Variants in GAS7 observed in about 807,000 individuals in gnomAD.
GAS7 encodes growth arrest-specific protein 7.
A neutral mutation model predicts 71.1 loss-of-function variants in GAS7; 28 were observed. The observed-to-expected ratio is 0.39, with a 90% confidence interval of 0.29 to 0.54. GAS7 has a LOEUF of 0.54. GAS7 is among the 20% of genes least tolerant of loss of function. The probability of loss-of-function intolerance (pLI) is 0.62; values close to 1 mark genes in which losing one functional copy is unlikely to be tolerated. For synonymous variants in GAS7, 258 were observed against 245.8 expected, an observed-to-expected ratio of 1.05 and a Z score of -0.46; for missense variants, 436 against 627.8, an observed-to-expected ratio of 0.69 and a Z score of 3.27.
rs1190508332 is a variant in GAS7 at position 10,111,548 on chromosome 17, C to CA, written c.183+86659dup. Among the ~76,000 whole-genome samples, 23 of 103,070 alleles carry CA rather than the reference C, an allele frequency of 2.2e-4. 1 individual carries two copies. The highest frequency in any genetic ancestry group is 1.2e-3 in the East Asian group (4 of 3,238). 67.6% of individuals were successfully genotyped at this position (103,070 alleles called of 152,430 possible). A position where few individuals can be genotyped will look rare whatever the true frequency, so the allele number is the denominator to read the frequency against. ...ACTCTGTCTCAAAAAAACAAACAAA[C>CA]AAACAAACAAAAAACCAGAAATATA... is the stretch of plus-strand genomic sequence containing the variant. On this transcript the variant is annotated intron_variant, in intron 1 of 13. Coordinates refer to ENST00000432992, the MANE Select transcript of GAS7 (RefSeq NM_201433.2).
chr17:10,085,186 T>A (rs942337090), intron 1 of GAS7, among the ~76,000 whole-genome samples: 37 of 152,274 alleles, frequency 2.4e-4, no homozygotes, highest in Admixed American at 1.9e-3. Flanking sequence ...TTGGCTTACA[T>A]CAGCCAGAAT....
chr17:10,159,065 C>CATAT (rs745794234), intron 1 of GAS7, among the ~76,000 whole-genome samples: 1,311 of 59,932 alleles, frequency 0.022, 97 homozygotes, highest in African/African-American at 0.037. Context: ...GTCTCTAAAA[C>CATAT]ATATATATAT....
At position 10,085,342 on chromosome 17, in the gene GAS7, G is replaced by A. The variant is rs377540648; in HGVS notation, c.184-65445C>T. On this transcript the variant is annotated intron_variant, in intron 1 of 13. Coordinates refer to ENST00000432992, the MANE Select transcript of GAS7 (RefSeq NM_201433.2). Reference sequence around the variant, plus strand: ...CACGAAGCCAACTTCTCAGGATCTCGATTTCCCCACCTCCATCCCCTAGGC... The same window carrying A: ...CACGAAGCCAACTTCTCAGGATCTCAATTTCCCCACCTCCATCCCCTAGGC... 1.1e-4 allele frequency among the ~76,000 whole-genome samples: 16 copies of A among 152,162 alleles called. No individual in the cohort carries two copies. In the South Asian group the frequency reaches 3.1e-3, roughly 30 times the overall value.
At chr17:10,014,422 C>A (rs1208012464) in intron 2 of GAS7, among the ~76,000 whole-genome samples, 1 of 152,212 alleles carries the variant, frequency 6.6e-6, no homozygotes, top group Non-Finnish European at 1.5e-5. Flanking sequence ...TGTCACGCCA[C>A]CGCCTGGAAA....
chr17:9,941,659 G>A (rs963713139), intron 7 of GAS7, among the ~76,000 whole-genome samples: 2 of 152,218 alleles, frequency 1.3e-5, no homozygotes, highest in African/African-American at 4.8e-5. Flanking sequence ...CTAACAAGAC[G>A]TTGTCATGGA....
intron 1 of GAS7, among the ~76,000 whole-genome samples, chr17:10,050,051 T>C (rs1192116205): frequency 6.6e-6 from 1 of 152,262 alleles, no homozygotes; most frequent in East Asian, 1.9e-4. Context: ...TGTTTTTCTA[T>C]ATTTTCCATG....
chr17:9,924,172 T>C (rs1043417499), intron 11 of GAS7, among the ~76,000 whole-genome samples: 2 of 152,216 alleles, frequency 1.3e-5, no homozygotes, highest in African/African-American at 4.8e-5. Flanking sequence ...AATACTGTTT[T>C]TGCAATATAA....
At chr17:10,070,185 T>G in intron 1 of GAS7, among the ~76,000 whole-genome samples, 1 of 151,884 alleles carries the variant, frequency 6.6e-6, no homozygotes, top group Non-Finnish European at 1.5e-5. Flanking sequence ...CACTCCTCTA[T>G]CCCCAGTCTT....
At chr17:10,019,411 C>A (rs913825314) in intron 2 of GAS7, among the ~76,000 whole-genome samples, 5 of 152,034 alleles carry the variant, frequency 3.3e-5, no homozygotes, top group African/African-American at 1.2e-4. Context: ...GTGACTTTGC[C>A]TCGTTCATTT....
intron 1 of GAS7, among the ~76,000 whole-genome samples, chr17:10,045,505 T>G (rs1197701896): frequency 6.6e-6 from 1 of 152,196 alleles, no homozygotes; most frequent in East Asian, 1.9e-4. Context: ...AAGGCCAGCC[T>G]GGCCAACATG....
intron 1 of GAS7, among the ~76,000 whole-genome samples, chr17:10,083,909 C>G (rs2073485688): frequency 6.6e-6 from 1 of 152,222 alleles, no homozygotes; most frequent in Non-Finnish European, 1.5e-5. Flanking sequence ...GAGGAAAGCA[C>G]ACCAAACAGG....
chr17:10,100,243 T>G (rs888558258), intron 1 of GAS7, among the ~76,000 whole-genome samples: 3 of 152,212 alleles, frequency 2.0e-5, no homozygotes, highest in African/African-American at 7.2e-5. Context: ...TTATCTCCTA[T>G]TTAGCACAGA....
chr17:10,004,807 C>T (rs1051939180), intron 2 of GAS7, among the ~76,000 whole-genome samples: 12 of 152,118 alleles, frequency 7.9e-5, no homozygotes, highest in African/African-American at 2.9e-4. Flanking sequence ...GTCAGGAGTT[C>T]AAGACCAGCC....
chr17:9,926,201 A>G lies in GAS7; in HGVS notation c.1014+440T>C, dbSNP rs114222698. Among the ~76,000 whole-genome samples the G allele has an allele frequency of 0.014, 2,178 of 152,172 alleles. 60 individuals are homozygous for G. Among genetic ancestry groups the G allele is most frequent in the African/African-American group, 0.049 (2,054 of 41,516 alleles). ...TCTCTTCCCTCTAAGGCTGAACATC[A>G]GTTCCCTGGAGGTGAGACCACCCAG... On this transcript the variant is annotated intron_variant, in intron 10 of 13. Transcript: ENST00000432992. This position sits in a 1 kb window ranked among gnomAD's most constrained non-coding sequence, Gnocchi z 5.0.
At chr17:10,129,888 A>G (rs549573802) in intron 1 of GAS7, among the ~76,000 whole-genome samples, 2 of 152,334 alleles carry the variant, frequency 1.3e-5, no homozygotes, top group East Asian at 3.9e-4. Flanking sequence ...AAGAAGATAC[A>G]TGAGGCAGGG....
At chr17:10,037,916 G>A (rs1298512894) in intron 1 of GAS7, among the ~76,000 whole-genome samples, 2 of 152,132 alleles carry the variant, frequency 1.3e-5, no homozygotes, top group African/African-American at 2.4e-5. Flanking sequence ...TTAAAAAAAT[G>A]AGCAAAAGAT....
At chr17:10,185,615 T>C (rs1463010289) in intron 1 of GAS7, among the ~76,000 whole-genome samples, 7 of 152,172 alleles carry the variant, frequency 4.6e-5, no homozygotes, top group Non-Finnish European at 8.8e-5. Flanking sequence ...CAGGGAGCAG[T>C]GGGAAACCCA....
Position 10,112,335 on chromosome 17 carries a change from C to T in GAS7, c.183+85873G>A, listed in dbSNP as rs532549209. On this transcript the variant is annotated intron_variant, in intron 1 of 13. Transcript: ENST00000432992. ...TCTTTGGAAAGGGAGAGGCAGAAGA[C>T]ACAGAACACTGGAAAACAAGAGGAA... 2.0e-5 allele frequency among the ~76,000 whole-genome samples: 3 copies of T among 152,242 alleles called. No homozygotes were observed. In the South Asian group the frequency reaches 6.2e-4, roughly 32 times the overall value.
chr17:9,970,652 C>CA (rs147400385), intron 3 of GAS7, among the ~76,000 whole-genome samples: 4,583 of 151,642 alleles, frequency 0.03, 215 homozygotes, highest in African/African-American at 0.098. Context: ...CAAAACAAAA[C>CA]AAAAAAAACA....
Sources: allele counts gnomAD v4.1 joint callset (sites outside exome capture counted in the v4.1 genomes callset), GRCh38; gene constraint gnomAD v4.1.1; non-coding constraint Gnocchi (gnomAD v3.1); transcripts MANE v1.5; gene names NCBI Gene and HGNC (gene_info 2026-07-23, HGNC 2026-07-21).